Variants in RYR3 observed in about 807,000 individuals in gnomAD.
The protein encoded by RYR3 is brain ryanodine receptor-calcium release channel.
Under a neutral mutation model 584.3 loss-of-function variants are expected in RYR3, and 207 were observed. The ratio of observed to expected loss-of-function variants is 0.35; its 90% CI spans 0.32 to 0.40. The LOEUF (loss-of-function observed/expected upper bound fraction) is 0.40. RYR3 is among the 10% of genes least tolerant of loss of function. RYR3 has a pLI of 1.00. For synonymous variants in RYR3, 2,416 were observed against 2,248.5 expected (o/e 1.07, Z -2.11); for missense variants, 5,616 against 6,089.2 (o/e 0.92, Z 2.59).
intron 27 of RYR3, 102 bp from the exon 28 acceptor site, chr15:33,644,208 CT>C (rs1017015855): frequency 1.8e-5 from 15 of 819,854 alleles, no homozygotes; most frequent in Non-Finnish European, 3.0e-5. Flanking sequence ...CACATCTTTC[CT>C]ACTGGGAGTC....
intron 93 of RYR3, among the ~76,000 whole-genome samples, chr15:33,847,791 C>T (rs1257450587): frequency 6.6e-6 from 1 of 152,210 alleles, no homozygotes; most frequent in Non-Finnish European, 1.5e-5. Context: ...TGAATCTTCT[C>T]ATTCTAACTA....
At chr15:33,750,830 G>A (rs1054665591) in intron 57 of RYR3, among the ~76,000 whole-genome samples, 1 of 152,132 alleles carries the variant, frequency 6.6e-6, no homozygotes, top group Non-Finnish European at 1.5e-5. Context: ...CCATTAACCT[G>A]TCATCTACAT....
chr15:33,639,109 A>G (rs1020446878), intron 27 of RYR3, among the ~76,000 whole-genome samples: 14 of 152,268 alleles, frequency 9.2e-5, no homozygotes, highest in African/African-American at 3.4e-4. Context: ...GCAGAGGAAT[A>G]CTATAGAGGG....
intron 49 of RYR3, among the ~76,000 whole-genome samples, chr15:33,738,203 A>AG (rs2069696198): frequency 6.6e-6 from 1 of 152,098 alleles, no homozygotes; most frequent in South Asian, 2.1e-4. Flanking sequence ...AGTAACTGCT[A>AG]GGGGGCACAT....
intron 37 of RYR3, among the ~76,000 whole-genome samples, chr15:33,669,828 A>AGG (rs2063706697): frequency 3.8e-5 from 2 of 52,902 alleles, no homozygotes; most frequent in African/African-American, 7.7e-5. Flanking sequence ...TTTAGCTATT[A>AGG]GGGGTGTGTG....
intron 1 of RYR3, among the ~76,000 whole-genome samples, chr15:33,440,904 G>C (rs1437682762): frequency 6.6e-6 from 1 of 152,244 alleles, no homozygotes; most frequent in East Asian, 1.9e-4. Flanking sequence ...TGGTCAGACA[G>C]CAGTGAGAGT....
At chr15:33,726,300 G>GT (rs2068451550) in intron 45 of RYR3, 86 bp from the exon 46 acceptor site, 1 of 1,517,224 alleles carries the variant, frequency 6.6e-7, no homozygotes, top group African/African-American at 1.4e-5. Flanking sequence ...CCCTTAAGCC[G>GT]TTTTACTGCC....
chr15:33,337,333 A>C (rs1971241065), intron 1 of RYR3, among the ~76,000 whole-genome samples: 1 of 152,158 alleles, frequency 6.6e-6, no homozygotes, highest in African/African-American at 2.4e-5. Context: ...AAAATGAAAA[A>C]TGTATTACCA....
At chr15:33,592,171 C>T (rs1005435606) in intron 16 of RYR3, among the ~76,000 whole-genome samples, 2 of 152,096 alleles carry the variant, frequency 1.3e-5, no homozygotes, top group African/African-American at 2.4e-5. Context: ...AGTGGCTTAG[C>T]GTAGTCAAAA....
rs544674217 is a variant in RYR3 at position 33,347,122 on chromosome 15, A to G, written c.51+36026A>G. ...TTGACTGTTGGTGCTGACCTTGATC[A>G]CCTGGCTGACATAGTACTTGTTGGC... On this transcript the variant is annotated intron_variant, in intron 1 of 103. Transcript: ENST00000634891. 4.6e-5 allele frequency among the ~76,000 whole-genome samples: 7 copies of G among 152,258 alleles called. No individual in the cohort carries two copies. In the East Asian group the frequency reaches 1.4e-3, roughly 29 times the overall value.
In RYR3 at chr15:33,630,017, C is replaced by A; in HGVS notation, c.2757C>A (p.Asn919Lys). 4 of 1,600,680 alleles carry A rather than the reference C, an allele frequency of 2.5e-6. No individual in the cohort carries two copies. Among genetic ancestry groups the A allele is most frequent in the Non-Finnish European group, 3.4e-6 (4 of 1,172,718 alleles). The part of the protein sequence containing the change: ...SKLPETEKNY[N>K]LQMSTETLKT... ...TCCCAGAAACTGAGAAGAACTATAA[C>A]CTGCAAATGTCAACTGAAACCTTAA... The change falls in exon 22 of 104, where the codon AAC becomes AAA. Residue 919 changes from asparagine (N) to lysine (K), a missense_variant. Asn to Lys is a moderately conservative substitution (Grantham distance 94, BLOSUM62 0). Around this residue, in one of 9 missense-constraint regions of RYR3, gnomAD observed 1,284 missense variants for 1,344.6 expected, o/e 0.95. Transcript: ENST00000634891.
chr15:33,675,055 A>G (rs974903984), intron 38 of RYR3, among the ~76,000 whole-genome samples: 3 of 152,222 alleles, frequency 2.0e-5, no homozygotes, highest in African/African-American at 4.8e-5. Context: ...AGATAGTGCC[A>G]CTGCAGTCCG....
intron 19 of RYR3, among the ~76,000 whole-genome samples, chr15:33,620,435 T>G (rs572225263): frequency 6.6e-6 from 1 of 152,290 alleles, no homozygotes; most frequent in African/African-American, 2.4e-5. Context: ...GGTTTCACAG[T>G]TTTTTAGTAT....
intron 1 of RYR3, among the ~76,000 whole-genome samples, chr15:33,312,737 T>A (rs1179922077): frequency 6.6e-6 from 1 of 152,236 alleles, no homozygotes; most frequent in Non-Finnish European, 1.5e-5. Context: ...GGGTCAGTGT[T>A]GAATAGATGT....
At chr15:33,386,936 C>T (rs2041644093) in intron 1 of RYR3, among the ~76,000 whole-genome samples, 1 of 152,074 alleles carries the variant, frequency 6.6e-6, no homozygotes, top group South Asian at 2.1e-4. Context: ...CAGCTCACTG[C>T]AAGCTCCGCC....
intron 1 of RYR3, among the ~76,000 whole-genome samples, chr15:33,323,913 G>A (rs533201059): frequency 3.9e-5 from 6 of 152,278 alleles, no homozygotes; most frequent in East Asian, 3.9e-4. Context: ...AGAGGCTCCC[G>A]GATCTAGTCT....
chr15:33,683,281 A>T (rs1210331071), intron 38 of RYR3, among the ~76,000 whole-genome samples: 3 of 150,424 alleles, frequency 2.0e-5, no homozygotes, highest in Non-Finnish European at 4.4e-5. Context: ...GGTGTGAGCC[A>T]CCGCGCCCAG....
chr15:33,788,353 G>A lies in RYR3; in HGVS notation c.9725G>A (p.Gly3242Glu). The A allele has an allele frequency of 1.9e-6, 3 of 1,613,956 alleles. No homozygotes were observed. The Admixed American group carries it at 5.0e-5, about 27-fold the overall frequency. ...EEEQLKADGK[G>E]DTQEAELLIL... ...GAGCAGTTGAAAGCCGATGGCAAAG[G>A]GGACACCCAGGAGGCAGAACTCCTC... Residue 3242 changes from glycine to glutamate, a missense_variant, in exon 67 of 104, where the codon GGG becomes GAG. Physicochemically the swap from Gly to Glu is moderately conservative, Grantham distance 98. Transcript: ENST00000634891.
chr15:33,461,382 G>A (rs1415372145), intron 1 of RYR3, among the ~76,000 whole-genome samples: 1 of 152,136 alleles, frequency 6.6e-6, no homozygotes, highest in Non-Finnish European at 1.5e-5. Context: ...GTCTCTTCAC[G>A]AGGCAATGTC....
Sources: gnomAD v4.1 joint callset for allele counts (sites outside exome capture counted in the v4.1 genomes callset) on GRCh38, gnomAD v4.1.1 for gene constraint, gnomAD v4.1.1 regional missense constraint, MANE v1.5 for transcripts, NCBI Gene and HGNC (gene_info 2026-07-23, HGNC 2026-07-21) for gene names.